Variants in CUBN observed in about 807,000 individuals in gnomAD.
CUBN encodes the protein cubilin.
A neutral mutation model predicts 405.3 loss-of-function variants in CUBN; 282 were observed. That is an observed-to-expected ratio of 0.70 (90% CI 0.63 to 0.77). CUBN has a LOEUF of 0.77. Ranked by LOEUF, CUBN falls within the 30% of genes least tolerant of loss-of-function variation. CUBN has a pLI of 0.00. For synonymous variants in CUBN, 1,684 were observed against 1,617.0 expected (o/e 1.04, Z -0.99); for missense variants, 4,514 against 4,475.2 (o/e 1.01, Z -0.25).
At chr10:17,107,494 C>CTTT (rs34281338) in intron 10 of CUBN, among the ~76,000 whole-genome samples, 7 of 91,798 alleles carry the variant, frequency 7.6e-5, no homozygotes, top group African/African-American at 2.5e-4. Context: ...ATAAGTTGTT[C>CTTT]TTTTTTTTTT....
At position 17,043,887 on chromosome 10, in the gene CUBN, T is replaced by A; in HGVS notation, c.3769A>T (p.Ile1257Leu). 1 of 1,613,704 alleles carries A rather than the reference T, an allele frequency of 6.2e-7. No individual in the cohort carries two copies. Among genetic ancestry groups the A allele is most frequent in the Non-Finnish European group, 8.5e-7 (1 of 1,179,760 alleles). ...TGACCTTCATCTGTCCTCAGTTTTA[T>A]AAACATGCTGTCTCCACTAGAACGA... ...LIRSSGDSMFIKLRTDEGQQG... is the reference protein window; with the variant it reads ...LIRSSGDSMFLKLRTDEGQQG... The change falls in exon 26 of 67, where the codon ATA (isoleucine) becomes TTA (leucine). Residue 1257 changes from isoleucine (I) to leucine (L), a missense_variant. Around this residue, in one of 5 missense-constraint regions of CUBN, gnomAD observed 242 missense variants for 309.0 expected, o/e 0.78. Transcript: ENST00000377833.
At chr10:17,041,401 G>C (rs1835016600) in intron 26 of CUBN, among the ~76,000 whole-genome samples, 181 bp from the exon 27 acceptor site, 2 of 151,908 alleles carry the variant, frequency 1.3e-5, no homozygotes, top group African/African-American at 4.8e-5. Context: ...TATATATTTG[G>C]TGCAGTATTT....
intron 59 of CUBN, among the ~76,000 whole-genome samples, chr10:16,864,948 CTTTTTTTTTTTTTT>C (rs35045969): frequency 1.2e-4 from 6 of 50,056 alleles, no homozygotes; most frequent in East Asian, 1.2e-3. Flanking sequence ...CCATGCCCAG[CTTTTTTTTTTTTTT>C]TTTTTTTTTT....
At chr10:16,983,983 G>T (rs1588549972) in intron 30 of CUBN, 122 bp downstream of exon 30, 2 of 1,061,654 alleles carry the variant, frequency 1.9e-6, no homozygotes, top group Admixed American at 1.7e-5. Context: ...GTCTCAGTAG[G>T]CTGCCCTTTG....
At chr10:17,031,063 T>A (rs1834775974) in intron 27 of CUBN, among the ~76,000 whole-genome samples, 1 of 152,212 alleles carries the variant, frequency 6.6e-6, no homozygotes, top group South Asian at 2.1e-4. Context: ...AAATTAAAAT[T>A]TTTTTCATTA....
At chr10:16,834,664 T>G (rs2131309379) in intron 64 of CUBN, among the ~76,000 whole-genome samples, 1 of 152,318 alleles carries the variant, frequency 6.6e-6, no homozygotes, top group Admixed American at 6.5e-5. Context: ...TCTGATCCTT[T>G]TAGGTCTCAA....
intron 28 of CUBN, among the ~76,000 whole-genome samples, chr10:17,013,037 A>G (rs1393604298): frequency 2.6e-5 from 4 of 152,212 alleles, no homozygotes; most frequent in African/African-American, 9.6e-5. Flanking sequence ...CCTTGTTTAC[A>G]CTGACAACAA....
At chr10:16,873,429 G>T (rs929877577) in intron 58 of CUBN, among the ~76,000 whole-genome samples, 5 of 152,218 alleles carry the variant, frequency 3.3e-5, no homozygotes, top group Admixed American at 6.5e-5. Context: ...GTTAGAAAAT[G>T]TATCCTTTGA....
At chr10:16,999,662 T>G (rs1833825779) in intron 28 of CUBN, among the ~76,000 whole-genome samples, 1 of 152,234 alleles carries the variant, frequency 6.6e-6, no homozygotes, top group Admixed American at 6.5e-5. Context: ...TACTGAAAGC[T>G]TCTTTATGAA....
chr10:17,074,408 C>A (rs1158882991), intron 17 of CUBN, among the ~76,000 whole-genome samples: 1 of 152,090 alleles, frequency 6.6e-6, no homozygotes, highest in South Asian at 2.1e-4. Flanking sequence ...CACGAGGCAG[C>A]CTGAAATGTG....
chr10:16,844,107 T>TA (rs1588579208), intron 60 of CUBN, among the ~76,000 whole-genome samples: 1 of 151,764 alleles, frequency 6.6e-6, no homozygotes, highest in African/African-American at 2.4e-5. Context: ...CCATCTCTAT[T>TA]AAAAATACGA....
intron 28 of CUBN, among the ~76,000 whole-genome samples, 165 bp from the exon 29 acceptor site, chr10:16,990,680 GA>G (rs1313403061): frequency 1.3e-5 from 2 of 152,036 alleles, no homozygotes; most frequent in Non-Finnish European, 2.9e-5. Context: ...AAAACAATGA[GA>G]AAAAAATCAT....
rs141489700 is a variant in CUBN at position 16,937,661 on chromosome 10, C to G, written c.5857G>C (p.Gly1953Arg). 1.6e-4 allele frequency: 253 copies of G among 1,613,986 alleles called. No homozygotes were observed. The African/African-American group carries it at 3.2e-3, about 21-fold the overall frequency. The change falls in exon 39 of 67, where the codon GGG becomes CGG. Residue 1953 changes from glycine to arginine, a missense_variant. Physicochemically the swap from Gly to Arg is moderately radical, Grantham distance 125. Transcript: ENST00000377833. ...FHFYSDSSIS[G>R]KGFLLEWFAV... is the part of the protein sequence containing the mutation. ...AACCACTCCAGAAGGAATCCCTTCC[C>G]TGAGATTGAAGAGTCGGAGTAAAAA...
At chr10:17,092,359 A>G (rs1311267766) in intron 14 of CUBN, among the ~76,000 whole-genome samples, 1 of 152,104 alleles carries the variant, frequency 6.6e-6, no homozygotes, top group Non-Finnish European at 1.5e-5. Flanking sequence ...GGGGTAATAA[A>G]CCATAGGCAT....
rs537434681 is a variant in CUBN at position 17,030,785 on chromosome 10, G to T, written c.4017+10248C>A. Among the ~76,000 whole-genome samples, 3 of 152,164 alleles carry T rather than the reference G, an allele frequency of 2.0e-5. No individual in the cohort carries two copies. In the East Asian group the frequency reaches 5.8e-4, roughly 29 times the overall value. ...AATACAAAAATTAGCCAGGTGTGGTGGTGGGTGCCTGTGGCCCCAGCTACT... is the reference window on the plus strand; with the variant it reads ...AATACAAAAATTAGCCAGGTGTGGTTGTGGGTGCCTGTGGCCCCAGCTACT... On this transcript the variant is annotated intron_variant, in intron 27 of 66. Coordinates refer to ENST00000377833, the MANE Select transcript of CUBN (RefSeq NM_001081.4).
intron 14 of CUBN, among the ~76,000 whole-genome samples, chr10:17,090,430 A>G (rs1470135572): frequency 6.6e-6 from 1 of 152,104 alleles, no homozygotes; most frequent in Non-Finnish European, 1.5e-5. Context: ...TAGACCTCTC[A>G]TAATCTACCA....
chr10:16,840,345 A>C lies in CUBN; in HGVS notation c.10017T>G (p.Leu3339=). 1.2e-6 allele frequency: 2 copies of C among 1,614,138 alleles called. No homozygotes were observed. Among genetic ancestry groups the C allele is most frequent in the South Asian group, 2.2e-5 (2 of 91,072 alleles). The change falls in exon 62 of 67, where the codon CTT becomes CTG. Residue 3339 remains leucine (L), a synonymous_variant. Transcript: ENST00000377833. ...SQDCTQNYLQ[L]QDSPQGHGNS... is the part of the protein sequence containing the mutation. ...TAATTGTTACCTGCGGTGAGTCCTGAAGCTGTAAGTAATTCTGCGTGCAGT... is the reference window on the plus strand; with the variant it reads ...TAATTGTTACCTGCGGTGAGTCCTGCAGCTGTAAGTAATTCTGCGTGCAGT...
intron 55 of CUBN, among the ~76,000 whole-genome samples, chr10:16,889,938 A>AAAAAAAAAAAAAAAACAAACAAAC (rs1840946305): frequency 6.2e-5 from 8 of 129,526 alleles, no homozygotes; most frequent in African/African-American, 2.5e-4. Context: ...GCCGTGTCAA[A>AAAAAAAAAAAAAAAACAAACAAAC]AAAAAAAAAA....
Position 16,824,674 on chromosome 10 carries a change from C to G in CUBN, c.*301G>C. On this transcript the variant is annotated 3_prime_UTR_variant, in exon 67 of 67. Transcript: ENST00000377833. ...TGGCTGGAATTACAGGCACCCACCA[C>G]CACGCCTGGCTAATTATTATATTGT... is the stretch of plus-strand genomic sequence containing the variant. The G allele has an allele frequency of 2.8e-6, 1 of 354,922 alleles. No individual in the cohort carries two copies. The highest frequency in any genetic ancestry group is 5.5e-6 in the Non-Finnish European group (1 of 180,640). 22.0% of individuals were successfully genotyped at this position (354,922 alleles called of 1,614,324 possible).
Sources: allele counts gnomAD v4.1 joint callset (sites outside exome capture counted in the v4.1 genomes callset), GRCh38; gene constraint gnomAD v4.1.1; regional missense constraint gnomAD v4.1.1; transcripts MANE v1.5; gene names NCBI Gene and HGNC (gene_info 2026-07-23, HGNC 2026-07-21).